ZNF37A: variants seen among roughly 807,000 people sequenced by gnomAD.
ZNF37A encodes zinc finger protein 37a (KOX 21).
ZNF37A carries 10 observed loss-of-function variants against 12.3 expected under a neutral mutation model. The ratio of observed to expected loss-of-function variants is 0.82; its 90% CI spans 0.50 to 1.38. ZNF37A has a LOEUF of 1.38. Ranked by LOEUF, ZNF37A falls within the 40% of genes most tolerant of loss-of-function variation. ZNF37A has a pLI of 0.00. For synonymous variants in ZNF37A, 207 were observed against 223.0 expected (o/e 0.93, Z 0.64); for missense variants, 580 against 651.2 (o/e 0.89, Z 1.19).
intron 5 of ZNF37A, among the ~76,000 whole-genome samples, chr10:38,112,790 CT>C (rs1266594425): frequency 2.3e-5 from 1 of 44,024 alleles, no homozygotes; most frequent in Non-Finnish European, 5.1e-5. Context: ...CTTTTCTTTT[CT>C]TTTCTTGTCT....
chr10:38,118,821 G>A lies in ZNF37A; in HGVS notation c.1670G>A (p.Gly557Glu), dbSNP rs147437097. 1.6e-5 allele frequency: 25 copies of A among 1,573,482 alleles called. No homozygotes were observed. In the African/African-American group the frequency reaches 3.0e-4, roughly 19 times the overall value. ...GRNPINVVNEGNYSG is the reference protein window; with the variant it reads ...GRNPINVVNEENYSG ...AACCCTATAAATGTAGTAAACGAGG[G>A]AAATTACTCTGGGTGAAGTCAGAAC... is the stretch of plus-strand genomic sequence containing the variant. Residue 557 changes from glycine (G) to glutamate (E), a missense_variant, in exon 8 of 8, where the codon GGA becomes GAA. Transcript: ENST00000685332.
At chr10:38,115,510 G>C (rs748609029) in intron 7 of ZNF37A, 2 of 477,514 alleles carry the variant, frequency 4.2e-6, no homozygotes, top group Non-Finnish European at 7.1e-6. Flanking sequence ...TTTTTAAATT[G>C]TGATATAAAC....
intron 5 of ZNF37A, among the ~76,000 whole-genome samples, chr10:38,113,967 C>T (rs2069036578): frequency 6.6e-6 from 1 of 152,034 alleles, no homozygotes; most frequent in African/African-American, 2.4e-5. Context: ...ATCAGCATGC[C>T]TATTTATATT....
chr10:38,145,030 C>G (rs2070233331), intron 7 of ZNF37A, among the ~76,000 whole-genome samples: 1 of 152,114 alleles, frequency 6.6e-6, no homozygotes, highest in Admixed American at 6.6e-5. Flanking sequence ...GGAGATTTGA[C>G]AGCAGATACA....
In ZNF37A at chr10:38,124,118, G is replaced by A. The variant is rs1367056244; in HGVS notation, c.*5281G>A. ...CAGATGAATGGATAAATAAAATATGGTACATAAACACAATGGAGTACTATT... is the reference window on the plus strand; with the variant it reads ...CAGATGAATGGATAAATAAAATATGATACATAAACACAATGGAGTACTATT... On this transcript the variant is annotated 3_prime_UTR_variant, in exon 8 of 8. Coordinates refer to ENST00000685332, the MANE Select transcript of ZNF37A (RefSeq NM_001324250.3). 1 of 152,100 alleles carries A rather than the reference G, an allele frequency of 6.6e-6. No homozygotes were observed. Among genetic ancestry groups the A allele is most frequent in the East Asian group, 1.9e-4 (1 of 5,194 alleles). The allele number at this position is 152,100 out of a possible 1,614,324, so 9.4% of individuals were successfully genotyped here.
intron 7 of ZNF37A, chr10:38,142,642 T>C (rs779229911): frequency 6.6e-6 from 1 of 152,190 alleles, no homozygotes; most frequent in Non-Finnish European, 1.5e-5. Flanking sequence ...AGATTCCACT[T>C]TAGCTGAGAG....
rs2983343 is a variant in ZNF37A, at chr10:38,094,404, A to G, written c.-578A>G. On this transcript the variant is annotated 5_prime_UTR_variant, in exon 1 of 8. Transcript: ENST00000685332. ...TTCGGGCCTTCTGGGCATGTCTGCCATATGGCTCCAGGTTTGTTTTTCTCC... is the reference window on the plus strand; with the variant it reads ...TTCGGGCCTTCTGGGCATGTCTGCCGTATGGCTCCAGGTTTGTTTTTCTCC... 62,475 of 151,980 alleles carry G rather than the reference A, an allele frequency of 0.41. 13,037 individuals carry two copies. Among genetic ancestry groups the G allele is most frequent in the East Asian group, 0.5 (2,532 of 5,094 alleles). The allele number at this position is 151,980 out of a possible 1,614,324, so 9.4% of individuals were successfully genotyped here.
In ZNF37A at chr10:38,117,425, A is replaced by G; in HGVS notation, c.274A>G (p.Lys92Glu). Reference protein sequence around the residue: ...INTSRNYSIMKFNEFNKGGKC... With the variant: ...INTSRNYSIMEFNEFNKGGKC... ...TACCAGTAGAAACTATTCAATAATG[A>G]AGTTCAATGAGTTTAACAAAGGTGG... The change falls in exon 8 of 8, where the codon AAG (lysine) becomes GAG (glutamate). Residue 92 changes from lysine (K) to glutamate (E), a missense_variant. Physicochemically the swap from Lys to Glu is moderately conservative, Grantham distance 56 (BLOSUM62 1). Coordinates refer to ENST00000685332, the MANE Select transcript of ZNF37A (RefSeq NM_001324250.3). 1 of 1,587,066 alleles carries G rather than the reference A, an allele frequency of 6.3e-7. No individual in the cohort carries two copies. The highest frequency in any genetic ancestry group is 8.5e-7 in the Non-Finnish European group (1 of 1,171,842).
chr10:38,112,177 ATTAT>A (rs1564930958), intron 5 of ZNF37A, among the ~76,000 whole-genome samples: 4 of 151,146 alleles, frequency 2.6e-5, no homozygotes, highest in African/African-American at 9.7e-5. Flanking sequence ...CCCCTTTCCT[ATTAT>A]TTGCAAATTG....
intron 5 of ZNF37A, among the ~76,000 whole-genome samples, chr10:38,105,028 G>A (rs1320139505): frequency 7.5e-6 from 1 of 134,204 alleles, no homozygotes; most frequent in Non-Finnish European, 1.6e-5. Context: ...TTTTTGAGAT[G>A]GAGTTTTGCT....
intron 5 of ZNF37A, among the ~76,000 whole-genome samples, chr10:38,099,665 C>T (rs1327652741): frequency 6.6e-6 from 1 of 152,122 alleles, no homozygotes; most frequent in African/African-American, 2.4e-5. Context: ...TATGGTAATT[C>T]TATTTTTAAT....
At chr10:38,131,753 T>C (rs1489438591) in intron 7 of ZNF37A, among the ~76,000 whole-genome samples, 2 of 152,198 alleles carry the variant, frequency 1.3e-5, no homozygotes. Context: ...TGTTAAGTCT[T>C]CCTATACACA....
chr10:38,140,013 T>C (rs768734551), intron 7 of ZNF37A: 3 of 152,220 alleles, frequency 2.0e-5, no homozygotes, highest in African/African-American at 4.8e-5. Flanking sequence ...ACACTCTTTT[T>C]CACCTGCAAA....
intron 5 of ZNF37A, among the ~76,000 whole-genome samples, chr10:38,109,310 A>G (rs1390480497): frequency 6.6e-6 from 1 of 152,200 alleles, no homozygotes; most frequent in Non-Finnish European, 1.5e-5. Flanking sequence ...AAAACTCTCA[A>G]AAAACTAGGT....
chr10:38,129,769 C>T (rs539575382), downstream of ZNF37A, among the ~76,000 whole-genome samples: 4 of 152,130 alleles, frequency 2.6e-5, no homozygotes, highest in Middle Eastern at 3.2e-3. Flanking sequence ...CCAAAAACCC[C>T]TTATCCCAAC....
intron 5 of ZNF37A, among the ~76,000 whole-genome samples, chr10:38,098,949 G>A (rs1193605908): frequency 6.6e-6 from 1 of 152,046 alleles, no homozygotes; most frequent in African/African-American, 2.4e-5. Flanking sequence ...TTTCCTACTT[G>A]TAGTAGTTCC....
intron 7 of ZNF37A, chr10:38,138,912 GTCC>G (rs758937629): frequency 4.6e-5 from 7 of 152,116 alleles, no homozygotes; most frequent in Non-Finnish European, 8.8e-5. Context: ...ATCCATAAAG[GTCC>G]TCCTAAAGAC....
At chr10:38,132,376 C>G (rs147294392) in intron 7 of ZNF37A, among the ~76,000 whole-genome samples, 9 of 152,106 alleles carry the variant, frequency 5.9e-5, no homozygotes, top group African/African-American at 2.2e-4. Flanking sequence ...GTTTTTCCCC[C>G]TTTCTTCTAT....
In ZNF37A at chr10:38,121,056, A is replaced by G. The variant is rs2069663300; in HGVS notation, c.*2219A>G. On this transcript the variant is annotated 3_prime_UTR_variant, in exon 8 of 8. Coordinates refer to ENST00000685332, the MANE Select transcript of ZNF37A (RefSeq NM_001324250.3). ...GTGGAGTATTCAAAAACTTGCTTAG[A>G]AAGAAAACTCTAGGAACAGATGGCT... 6.6e-6 allele frequency: 1 copy of G among 152,184 alleles called. No individual in the cohort carries two copies. The highest frequency in any genetic ancestry group is 1.5e-5 in the Non-Finnish European group (1 of 68,034). 9.4% of individuals were successfully genotyped at this position (152,184 alleles called of 1,614,324 possible).
Sources: allele counts gnomAD v4.1 joint callset (sites outside exome capture counted in the v4.1 genomes callset), GRCh38; gene constraint gnomAD v4.1.1; transcripts MANE v1.5; gene names NCBI Gene and HGNC (gene_info 2026-07-23, HGNC 2026-07-21).